Variants in MTFR2 observed in about 807,000 individuals in gnomAD.
MTFR2 encodes the protein DUF729 domain-containing protein 1.
In MTFR2, 44 loss-of-function variants were observed where a neutral mutation model predicts 41.2. The observed-to-expected ratio is 1.07, with a 90% CI of 0.84 to 1.37. The LOEUF (loss-of-function observed/expected upper bound fraction) is 1.37. Among genes scored for constraint, MTFR2 ranks in the 40% most tolerant of loss-of-function variants. The probability of loss-of-function intolerance (pLI) is 0.00; values close to 1 mark genes in which losing one functional copy is unlikely to be tolerated. For synonymous variants in MTFR2, 141 were observed against 154.6 expected (o/e 0.91, Z 0.65); for missense variants, 452 against 459.5 (o/e 0.98, Z 0.15).
chr6:136,240,858 A>C (rs56907977), intron 5 of MTFR2, among the ~76,000 whole-genome samples: 3 of 152,104 alleles, frequency 2.0e-5, no homozygotes, highest in Admixed American at 6.6e-5. Flanking sequence ...TTGGGAGGCC[A>C]AGGCGGGCAG....
chr6:136,249,231 T>C, intron 1 of MTFR2, 78 bp from the exon 2 acceptor site: 3 of 594,860 alleles, frequency 5.0e-6, no homozygotes, highest in Middle Eastern at 2.7e-4. Flanking sequence ...AAAAGTCCTC[T>C]TGATACACGA....
chr6:136,237,746 G>A (rs188437502), intron 6 of MTFR2, among the ~76,000 whole-genome samples: 85 of 152,096 alleles, frequency 5.6e-4, no homozygotes, highest in South Asian at 1.9e-3. Flanking sequence ...GACCCAGGAG[G>A]CAGAAGCTGC....
In MTFR2 at chr6:136,240,983, C is replaced by G. The variant is rs375359692; in HGVS notation, c.514+461G>C. On this transcript the variant is annotated intron_variant, in intron 5 of 7. Transcript: ENST00000420702. ...GCGGGCGCCTGTAGTCCCAGCTACT[C>G]GAGAGGCTGAGGCAGGAGAATGGCG... is the stretch of plus-strand genomic sequence containing the variant. Among the ~76,000 whole-genome samples, 55 of 143,856 alleles carry G rather than the reference C, an allele frequency of 3.8e-4. 1 individual carries two copies. The East Asian group carries it at 8.8e-3, about 23-fold the overall frequency. 94.4% of individuals were successfully genotyped at this position (143,856 alleles called of 152,430 possible).
intron 7 of MTFR2, among the ~76,000 whole-genome samples, chr6:136,232,195 GCA>G (rs1176411159): frequency 6.6e-6 from 1 of 152,070 alleles, no homozygotes; most frequent in Admixed American, 6.6e-5. Context: ...CACAGAGGCT[GCA>G]CACACTGGAG....
intron 6 of MTFR2, among the ~76,000 whole-genome samples, chr6:136,238,332 G>C (rs2128457659): frequency 6.6e-6 from 1 of 152,330 alleles, no homozygotes; most frequent in East Asian, 1.9e-4. Context: ...AACTGGGCCA[G>C]ACACAGTGGC....
At chr6:136,243,403 C>T (rs1562212845) in intron 3 of MTFR2, among the ~76,000 whole-genome samples, 1 of 152,040 alleles carries the variant, frequency 6.6e-6, no homozygotes, top group Non-Finnish European at 1.5e-5. Flanking sequence ...GAGTGTATTC[C>T]TTCTACTTAA....
In MTFR2 at chr6:136,239,681, A is replaced by G; in HGVS notation, c.654T>C (p.Phe218=). The change falls in exon 6 of 8, where the codon TTT becomes TTC. Residue 218 remains phenylalanine (F), a synonymous_variant. Transcript: ENST00000420702. ...GAAAACACGGTGGCTGGAGAGATGA[A>G]AACTGAGGAGGAAGTGGTGGAGGAG... ...PPPPPPLPPQ[F]SSLQPPCFPP... is the part of the protein sequence containing the mutation. 1 of 1,614,030 alleles carries G rather than the reference A, an allele frequency of 6.2e-7. No individual in the cohort carries two copies. The highest frequency in any genetic ancestry group is 8.5e-7 in the Non-Finnish European group (1 of 1,180,012).
At chr6:136,243,036 C>T in intron 3 of MTFR2, 63 bp from the exon 4 acceptor site, 1 of 1,023,890 alleles carries the variant, frequency 9.8e-7, no homozygotes, top group Non-Finnish European at 1.4e-6. Context: ...GACACATGCC[C>T]CATGGTATTA....
chr6:136,236,605 A>C (rs764175336), intron 6 of MTFR2, among the ~76,000 whole-genome samples: 2 of 152,054 alleles, frequency 1.3e-5, no homozygotes, highest in Non-Finnish European at 2.9e-5. Context: ...CCAAGCATGC[A>C]CCTACAGCCA....
intron 5 of MTFR2, among the ~76,000 whole-genome samples, chr6:136,240,632 T>A (rs1780029717): frequency 6.6e-6 from 1 of 152,176 alleles, no homozygotes; most frequent in South Asian, 2.1e-4. Context: ...TGTATCTCTA[T>A]AAATTTATAA....
At chr6:136,247,329 AAC>A in intron 2 of MTFR2, 1 of 322,990 alleles carries the variant, frequency 3.1e-6, no homozygotes, top group South Asian at 2.5e-5. Flanking sequence ...CAGCCTGGGC[AAC>A]AGAGCAAGAC....
chr6:136,234,672 G>A (rs1211957628), intron 6 of MTFR2, among the ~76,000 whole-genome samples: 2 of 152,182 alleles, frequency 1.3e-5, no homozygotes, highest in Admixed American at 6.5e-5. Flanking sequence ...TCTGAAGCAG[G>A]AGAATGGCCT....
chr6:136,236,723 G>C (rs1252597477), intron 6 of MTFR2, among the ~76,000 whole-genome samples: 1 of 152,096 alleles, frequency 6.6e-6, no homozygotes, highest in East Asian at 1.9e-4. Context: ...CTGCATCGTT[G>C]CAAGGATCAA....
At position 136,240,949 on chromosome 6, in the gene MTFR2, A is replaced by G. The variant is rs377177181; in HGVS notation, c.514+495T>C. Among the ~76,000 whole-genome samples the G allele has an allele frequency of 5.2e-3, 790 of 151,920 alleles. 3 individuals are homozygous for G. The highest frequency in any genetic ancestry group is 6.8e-3 in the Middle Eastern group (2 of 292). ...TACTAAAAATACAAAAAATTAGCCG[A>G]GCGTGGTGGCGGGCGCCTGTAGTCC... On this transcript the variant is annotated intron_variant, in intron 5 of 7. Transcript: ENST00000420702.
Position 136,231,315 on chromosome 6 carries a change from TG to T in MTFR2, c.1117del (p.Gln373LysfsTer9). On this transcript the variant is annotated frameshift_variant, in exon 8 of 8. Coordinates refer to ENST00000420702, the MANE Select transcript of MTFR2 (RefSeq NM_001099286.3). LOFTEE classifies it high-confidence loss of function. ...EEMVNTKAVD[Q>X]GISNTSLLNS... ...TAGAAGGCTTGTGTTGCTGATACCTTGGTCAACAGCTTTTGTGTTGACCATT... is the reference window on the plus strand; with the variant it reads ...TAGAAGGCTTGTGTTGCTGATACCTTGTCAACAGCTTTTGTGTTGACCATT... 6.2e-7 allele frequency: 1 copy of T among 1,613,062 alleles called. No individual in the cohort carries two copies. Among genetic ancestry groups the T allele is most frequent in the Non-Finnish European group, 8.5e-7 (1 of 1,179,672 alleles).
chr6:136,241,800 C>T (rs191582250), intron 4 of MTFR2, 124 bp from the exon 5 acceptor site: 16 of 758,554 alleles, frequency 2.1e-5, no homozygotes, highest in Non-Finnish European at 2.7e-5. Flanking sequence ...ACTCTCAGGC[C>T]GGGCACAGTG....
intron 7 of MTFR2, among the ~76,000 whole-genome samples, chr6:136,232,990 C>T (rs1212751891): frequency 6.6e-6 from 1 of 152,206 alleles, no homozygotes; most frequent in Non-Finnish European, 1.5e-5. Context: ...GAATCTATTG[C>T]ACCATTCTTC....
chr6:136,239,383 T>C, intron 6 of MTFR2, 83 bp downstream of exon 6: 2 of 1,035,590 alleles, frequency 1.9e-6, no homozygotes, highest in Non-Finnish European at 2.8e-6. Flanking sequence ...AAGACATATA[T>C]GTTAATTTTC....
intron 3 of MTFR2, among the ~76,000 whole-genome samples, chr6:136,244,096 TA>T (rs1471808264): frequency 1.3e-5 from 2 of 152,246 alleles, no homozygotes; most frequent in South Asian, 4.1e-4. Flanking sequence ...AAAACATTTA[TA>T]AAAAAAGTTA....
Sources: allele counts gnomAD v4.1 joint callset (sites outside exome capture counted in the v4.1 genomes callset), GRCh38; gene constraint gnomAD v4.1.1; transcripts MANE v1.5; gene names NCBI Gene and HGNC (gene_info 2026-07-23, HGNC 2026-07-21).